CELF5: variants seen among roughly 807,000 people sequenced by gnomAD.
The protein encoded by CELF5 is CUG-BP and ETR-3 like factor 5.
A neutral mutation model predicts 54.9 loss-of-function variants in CELF5; 6 were observed. The observed-to-expected ratio is 0.11, with a 90% CI of 0.06 to 0.22. The LOEUF is 0.22. Among genes scored for constraint, CELF5 ranks in the 10% least tolerant of loss-of-function variants. The pLI, the probability that CELF5 is intolerant of heterozygous loss-of-function variation, is 1.00. For missense variants in CELF5, 401 were observed against 678.6 expected (o/e 0.59, Z 4.54); for synonymous variants, 271 against 290.9 (o/e 0.93, Z 0.70).
At chr19:3,291,571 CA>C (rs34331089) in intron 11 of CELF5, among the ~76,000 whole-genome samples, 83 of 85,188 alleles carry the variant, frequency 9.7e-4, no homozygotes, top group South Asian at 5.3e-3. Context: ...GACTCCGACT[CA>C]AAAAAAAAAA....
chr19:3,272,309 C>T (rs2079979590), intron 2 of CELF5, among the ~76,000 whole-genome samples: 1 of 151,022 alleles, frequency 6.6e-6, no homozygotes, highest in Admixed American at 6.6e-5. Flanking sequence ...GTGGAGGCTG[C>T]AGTAAGCCGA....
chr19:3,251,744 G>A (rs955771902), intron 2 of CELF5, among the ~76,000 whole-genome samples: 6 of 145,500 alleles, frequency 4.1e-5, no homozygotes, highest in African/African-American at 1.3e-4. Context: ...TCATGATCTC[G>A]GTTCACTGCA....
intron 10 of CELF5, among the ~76,000 whole-genome samples, chr19:3,287,068 A>AG (rs1476171659): frequency 6.6e-6 from 1 of 151,568 alleles, no homozygotes; most frequent in African/African-American, 2.4e-5. Context: ...AGAAAAGAAA[A>AG]AAATCCCAAG....
intron 1 of CELF5, among the ~76,000 whole-genome samples, chr19:3,236,509 C>T (rs1917605807): frequency 1.3e-5 from 2 of 152,064 alleles, no homozygotes; most frequent in Admixed American, 6.6e-5. Context: ...GAGACCCCTG[C>T]CATGCAGGGG....
intron 2 of CELF5, among the ~76,000 whole-genome samples, chr19:3,261,444 C>T (rs972761330): frequency 6.6e-6 from 1 of 151,404 alleles, no homozygotes; most frequent in Non-Finnish European, 1.5e-5. Flanking sequence ...ATTAAATGTC[C>T]AAATCTGTGA....
intron 9 of CELF5, 61 bp from the exon 10 acceptor site, chr19:3,285,881 C>G (rs868664433): frequency 7.5e-7 from 1 of 1,327,000 alleles, no homozygotes; most frequent in South Asian, 1.6e-5. Flanking sequence ...GCCCAGCGGC[C>G]CAGGCCGCCC....
At chr19:3,243,916 G>C (rs1400744102) in intron 1 of CELF5, among the ~76,000 whole-genome samples, 1 of 151,712 alleles carries the variant, frequency 6.6e-6, no homozygotes, top group Non-Finnish European at 1.5e-5. Flanking sequence ...AGTCTTATTG[G>C]ATCAGGGCCC....
intron 4 of CELF5, 53 bp downstream of exon 4, chr19:3,276,037 G>A: frequency 7.1e-7 from 1 of 1,416,118 alleles, no homozygotes. Flanking sequence ...CTAGCTCTGG[G>A]GGCGGGGCCT....
At chr19:3,289,155 CT>C (rs1410478214) in intron 10 of CELF5, among the ~76,000 whole-genome samples, 2 of 152,118 alleles carry the variant, frequency 1.3e-5, no homozygotes, top group African/African-American at 4.8e-5. Flanking sequence ...AGAGAATTAT[CT>C]TTTTATTTCA....
chr19:3,275,920 G>T lies in CELF5; in HGVS notation c.459G>T (p.Leu153=), dbSNP rs1197617564. 1.2e-6 allele frequency: 2 copies of T among 1,612,194 alleles called. No individual in the cohort carries two copies. The highest frequency in any genetic ancestry group is 2.7e-5 in the African/African-American group (2 of 74,758). The change falls in exon 4 of 13, where the codon CTG becomes CTT. Residue 153 remains leucine (L), a synonymous_variant. Transcript: ENST00000292672. This position sits in a 1 kb window ranked among gnomAD's most constrained non-coding sequence, Gnocchi z 6.7. ...KQQSEEDVLR[L]FQPFGVIDEC... ...AGTCGGAGGAGGACGTGCTGCGGCT[G>T]TTCCAGCCCTTCGGGGTCATTGACG...
intron 1 of CELF5, among the ~76,000 whole-genome samples, chr19:3,235,645 A>G (rs866338502): frequency 4.3e-3 from 118 of 27,242 alleles, no homozygotes; most frequent in African/African-American, 9.3e-3. Flanking sequence ...TGGGTGGATG[A>G]GTGGATGGAT....
intron 2 of CELF5, among the ~76,000 whole-genome samples, chr19:3,263,734 G>A (rs369946643): frequency 2.5e-4 from 38 of 151,456 alleles, no homozygotes; most frequent in Middle Eastern, 3.5e-3. Flanking sequence ...GTGAAACCCC[G>A]TCTCTACTAA....
intron 9 of CELF5, among the ~76,000 whole-genome samples, chr19:3,285,667 C>A: frequency 1.3e-5 from 1 of 75,064 alleles, no homozygotes; most frequent in Non-Finnish European, 3.4e-5. Context: ...GGGTCCGCCC[C>A]CACCCCCCCT....
chr19:3,228,923 C>T lies in CELF5; in HGVS notation c.259+3925C>T, dbSNP rs996249377. On this transcript the variant is annotated intron_variant, in intron 1 of 12. Transcript: ENST00000292672. This position sits in a 1 kb window ranked among gnomAD's most constrained non-coding sequence, Gnocchi z 6.0. ...GTGTGTGTGTGTGTGTGTACGCGGG[C>T]GCGCGCCTGGGAAGGACTCCTGCCG... Among the ~76,000 whole-genome samples the T allele has an allele frequency of 1.3e-5, 2 of 150,652 alleles. No homozygotes were observed. Among genetic ancestry groups the T allele is most frequent in the African/African-American group, 4.9e-5 (2 of 40,860 alleles).
At chr19:3,249,055 C>G (rs904130831) in intron 1 of CELF5, among the ~76,000 whole-genome samples, 7 of 151,960 alleles carry the variant, frequency 4.6e-5, no homozygotes, top group Non-Finnish European at 7.4e-5. Context: ...TACCCCCTCC[C>G]CACCACACAG....
chr19:3,292,543 C>G (rs910038461), intron 11 of CELF5, among the ~76,000 whole-genome samples: 4 of 152,132 alleles, frequency 2.6e-5, no homozygotes, highest in Non-Finnish European at 5.9e-5. Context: ...CTTGGCCTCC[C>G]AAGGTGCTGG....
At chr19:3,246,134 C>T (rs777579842) in intron 1 of CELF5, among the ~76,000 whole-genome samples, 2 of 152,112 alleles carry the variant, frequency 1.3e-5, no homozygotes, top group Non-Finnish European at 2.9e-5. Flanking sequence ...GAGGCCACGG[C>T]GGGTGGATCA....
chr19:3,274,926 T>C (rs2080022760), intron 3 of CELF5, among the ~76,000 whole-genome samples: 1 of 151,920 alleles, frequency 6.6e-6, no homozygotes, highest in African/African-American at 2.4e-5. Context: ...TCTCCCTCTG[T>C]ATCTCCTTCT....
At chr19:3,247,590 A>AGT (rs1352211830) in intron 1 of CELF5, among the ~76,000 whole-genome samples, 2 of 150,496 alleles carry the variant, frequency 1.3e-5, no homozygotes, top group Non-Finnish European at 3.0e-5. Context: ...CCCAAGACAT[A>AGT]GTGTGACATA....
Sources: gnomAD v4.1 joint callset for allele counts (sites outside exome capture counted in the v4.1 genomes callset) on GRCh38, gnomAD v4.1.1 for gene constraint, Gnocchi (gnomAD v3.1) non-coding constraint, MANE v1.5 for transcripts, NCBI Gene and HGNC (gene_info 2026-07-23, HGNC 2026-07-21) for gene names.